The following NRG3 variants were observed in gnomAD, a reference collection of about 807,000 sequenced individuals.
NRG3 encodes the protein pro-neuregulin-3, membrane-bound isoform.
NRG3 carries 31 observed loss-of-function variants against 66.9 expected under a neutral mutation model. The observed-to-expected ratio is 0.46, with a 90% CI of 0.35 to 0.63. The LOEUF (loss-of-function observed/expected upper bound fraction) is 0.63, where lower values mean the gene tolerates loss of function less well. NRG3 is among the 20% of genes least tolerant of loss of function. NRG3 has a pLI of 0.00. For synonymous variants in NRG3, 393 were observed against 359.4 expected (o/e 1.09, Z -1.06); for missense variants, 910 against 878.9 (o/e 1.04, Z -0.45).
intron 1 of NRG3, among the ~76,000 whole-genome samples, chr10:82,237,126 G>A (rs908607116): frequency 2.6e-5 from 4 of 152,182 alleles, no homozygotes; most frequent in African/African-American, 9.7e-5. Context: ...GTGGTCTACA[G>A]GCTGTCATGG....
intron 3 of NRG3, among the ~76,000 whole-genome samples, chr10:82,794,212 A>G (rs2060704303): frequency 6.6e-6 from 1 of 151,890 alleles, no homozygotes; most frequent in Non-Finnish European, 1.5e-5. Context: ...AATGGCATCA[A>G]TTTTTTTTGG....
At chr10:82,070,994 T>C (rs1434000743) in intron 1 of NRG3, among the ~76,000 whole-genome samples, 1 of 152,190 alleles carries the variant, frequency 6.6e-6, no homozygotes, top group Admixed American at 6.5e-5. Context: ...CATAATTATT[T>C]ATAATGGTGA....
chr10:82,657,257 G>C (rs970234250), intron 2 of NRG3, among the ~76,000 whole-genome samples: 7 of 151,878 alleles, frequency 4.6e-5, no homozygotes, highest in African/African-American at 1.7e-4. Flanking sequence ...GTTCTGTCTA[G>C]GTCAGCTCCA....
At chr10:82,773,019 G>C (rs2059775268) in intron 3 of NRG3, among the ~76,000 whole-genome samples, 1 of 151,934 alleles carries the variant, frequency 6.6e-6, no homozygotes, top group Non-Finnish European at 1.5e-5. Context: ...TCCGTATCTT[G>C]GCTATTATGA....
intron 1 of NRG3, among the ~76,000 whole-genome samples, chr10:81,923,447 C>T (rs180736498): frequency 3.3e-5 from 5 of 152,248 alleles, no homozygotes; most frequent in South Asian, 2.1e-4. Flanking sequence ...CCTGGTGATC[C>T]GCCCGCCTCG....
intron 1 of NRG3, among the ~76,000 whole-genome samples, chr10:82,045,961 G>T (rs189116325): frequency 6.6e-6 from 1 of 151,080 alleles, no homozygotes; most frequent in East Asian, 1.9e-4. Flanking sequence ...TGCTGTTTTG[G>T]TTACTGTAGT....
In NRG3 at chr10:82,278,208, A is replaced by G. The variant is rs948460477; in HGVS notation, c.824-80531A>G. Among the ~76,000 whole-genome samples the G allele has an allele frequency of 8.3e-4, 127 of 152,148 alleles. 1 individual carries two copies. The highest frequency in any genetic ancestry group is 2.8e-3 in the African/African-American group (115 of 41,534). On this transcript the variant is annotated intron_variant, in intron 1 of 8. Transcript: ENST00000372141. ...TGAACAGTTACAAGTGATGGACTAC[A>G]TATTTTTTTTTAAAGCGTTCTTGGT... is the stretch of plus-strand genomic sequence containing the variant.
At chr10:82,329,394 G>T (rs1352198850) in intron 1 of NRG3, among the ~76,000 whole-genome samples, 3 of 137,258 alleles carry the variant, frequency 2.2e-5, no homozygotes, top group African/African-American at 8.5e-5. Flanking sequence ...TGAGTGCTAA[G>T]TTTTTTTGTT....
chr10:82,215,318 A>C (rs985710659), intron 1 of NRG3, among the ~76,000 whole-genome samples: 1 of 152,174 alleles, frequency 6.6e-6, no homozygotes, highest in Non-Finnish European at 1.5e-5. Flanking sequence ...TTTGATTTTA[A>C]ATTATTTAAA....
intron 1 of NRG3, among the ~76,000 whole-genome samples, chr10:82,158,275 A>G (rs2071325056): frequency 6.6e-6 from 1 of 151,774 alleles, no homozygotes; most frequent in Admixed American, 6.6e-5. Flanking sequence ...GTTACAAATA[A>G]TTTTCAGTTA....
At chr10:82,427,835 G>T (rs1007909886) in intron 2 of NRG3, among the ~76,000 whole-genome samples, 1 of 151,894 alleles carries the variant, frequency 6.6e-6, no homozygotes, top group Non-Finnish European at 1.5e-5. Flanking sequence ...TGTCATCTGG[G>T]CTTGGTCTTT....
chr10:82,363,191 G>T (rs189013264), intron 2 of NRG3, among the ~76,000 whole-genome samples: 1 of 152,282 alleles, frequency 6.6e-6, no homozygotes, highest in Admixed American at 6.5e-5. Flanking sequence ...AATTGACAAA[G>T]GGGAGGAACA....
intron 3 of NRG3, among the ~76,000 whole-genome samples, chr10:82,753,438 A>G (rs1455450772): frequency 6.6e-6 from 1 of 151,546 alleles, no homozygotes; most frequent in African/African-American, 2.4e-5. Context: ...TTTTCTTTTG[A>G]TCTTTGCATT....
intron 1 of NRG3, among the ~76,000 whole-genome samples, chr10:82,122,367 G>T (rs1312858735): frequency 6.6e-6 from 1 of 152,058 alleles, no homozygotes; most frequent in African/African-American, 2.4e-5. Context: ...TGCTTTTCCT[G>T]CTTTTGCTTA....
At chr10:82,261,756 C>T (rs1386473993) in intron 1 of NRG3, among the ~76,000 whole-genome samples, 1 of 152,210 alleles carries the variant, frequency 6.6e-6, no homozygotes, top group African/African-American at 2.4e-5. Flanking sequence ...GCACAGATCA[C>T]TCATGCTATT....
chr10:82,957,251 G>T (rs759083208), intron 5 of NRG3, among the ~76,000 whole-genome samples: 3 of 151,886 alleles, frequency 2.0e-5, no homozygotes, highest in Non-Finnish European at 2.9e-5. Context: ...GGAAATGGAG[G>T]CTCAACAAGT....
chr10:82,165,019 A>G (rs559914370), intron 1 of NRG3, among the ~76,000 whole-genome samples: 2 of 152,262 alleles, frequency 1.3e-5, no homozygotes, highest in African/African-American at 4.8e-5. Context: ...AAAACATGGT[A>G]TGTGCATTTA....
chr10:81,981,463 T>C (rs563488167), intron 1 of NRG3, among the ~76,000 whole-genome samples: 332 of 152,340 alleles, frequency 2.2e-3, no homozygotes, highest in Non-Finnish European at 4.2e-3. Flanking sequence ...ACTGGGGTGG[T>C]GGCTCTGCTT....
At chr10:82,302,792 C>T (rs2080477488) in intron 1 of NRG3, among the ~76,000 whole-genome samples, 1 of 152,134 alleles carries the variant, frequency 6.6e-6, no homozygotes, top group Admixed American at 6.5e-5. Flanking sequence ...CCCAATGTGT[C>T]TAATGCATAT....
Sources: allele counts gnomAD v4.1 joint callset (sites outside exome capture counted in the v4.1 genomes callset), GRCh38; gene constraint gnomAD v4.1.1; transcripts MANE v1.5; gene names NCBI Gene and HGNC (gene_info 2026-07-23, HGNC 2026-07-21).